PHLDB2: variants seen among roughly 807,000 people sequenced by gnomAD.
The protein encoded by PHLDB2 is pleckstrin homology-like domain family B member 2.
Under a neutral mutation model 123.6 loss-of-function variants are expected in PHLDB2, and 71 were observed. The observed-to-expected ratio is 0.57, with a 90% CI of 0.47 to 0.70. The LOEUF (loss-of-function observed/expected upper bound fraction) is 0.70. Among genes scored for constraint, PHLDB2 ranks in the 30% least tolerant of loss-of-function variants. The pLI is 0.00. For synonymous variants in PHLDB2, 547 were observed against 541.6 expected (o/e 1.01, Z -0.14); for missense variants, 1,446 against 1,519.5 (o/e 0.95, Z 0.80).
chr3:111,901,131 G>A (rs945603744), intron 2 of PHLDB2, among the ~76,000 whole-genome samples: 4 of 152,030 alleles, frequency 2.6e-5, no homozygotes, highest in African/African-American at 7.2e-5. Context: ...AGGCCGAGGC[G>A]GGCGAATCAC....
rs574159508 is a variant in PHLDB2, at chr3:111,824,611, T to C, written c.-48-21210T>C. Among the ~76,000 whole-genome samples, 152 of 152,312 alleles carry C rather than the reference T, an allele frequency of 1.0e-3. No homozygotes were observed. The Middle Eastern group carries it at 0.02, about 20-fold the overall frequency. ...AAGTGGAAGTAAAAGCATGTAGCCC[T>C]GATTGCAGCTGGCAGCTGTGGGAAA... On this transcript the variant is annotated intron_variant, in intron 1 of 17. Transcript: ENST00000393923.
intron 1 of PHLDB2, among the ~76,000 whole-genome samples, chr3:111,777,066 A>G (rs1167083032): frequency 6.6e-6 from 1 of 152,100 alleles, no homozygotes; most frequent in Non-Finnish European, 1.5e-5. Flanking sequence ...CAGGAGGCCC[A>G]GACAGAAGGG....
chr3:111,867,197 T>G (rs2065130480), intron 1 of PHLDB2, among the ~76,000 whole-genome samples: 2 of 152,078 alleles, frequency 1.3e-5, no homozygotes, highest in Non-Finnish European at 2.9e-5. Context: ...TTTTAGGAAC[T>G]TAATTCAGTA....
chr3:111,882,021 T>A (rs937079617), intron 1 of PHLDB2, among the ~76,000 whole-genome samples: 2 of 152,220 alleles, frequency 1.3e-5, no homozygotes, highest in African/African-American at 4.8e-5. Context: ...AAAGCTGCCC[T>A]GATTATATAT....
At chr3:111,783,471 A>C (rs1464906120) in intron 1 of PHLDB2, among the ~76,000 whole-genome samples, 1 of 152,158 alleles carries the variant, frequency 6.6e-6, no homozygotes, top group Non-Finnish European at 1.5e-5. Flanking sequence ...ACTACTAGGG[A>C]AAAAGAGAAA....
At chr3:111,872,476 C>G (rs1474138310) in intron 1 of PHLDB2, among the ~76,000 whole-genome samples, 1 of 152,196 alleles carries the variant, frequency 6.6e-6, no homozygotes, top group Non-Finnish European at 1.5e-5. Context: ...TCACCTCTCA[C>G]CTTCCTAACT....
chr3:111,762,372 A>G (rs950410758), intron 1 of PHLDB2, among the ~76,000 whole-genome samples: 12 of 111,408 alleles, frequency 1.1e-4, no homozygotes, highest in African/African-American at 4.4e-4. Flanking sequence ...TTATTATTAT[A>G]TAGCCAATAT....
chr3:111,866,930 G>GGTGTGTGTGTGTGTGTGT lies in PHLDB2; in HGVS notation c.-15+7379_-15+7396dup, dbSNP rs3082321. On this transcript the variant is annotated intron_variant, in intron 1 of 17. Transcript: ENST00000431670. ...TCTTCCTTAACATAAGTTTCTAAGG[G>GGTGTGTGTGTGTGTGTGT]GTGTGTGTGTGTGTGTGTGTGTGTG... is the stretch of plus-strand genomic sequence containing the variant. Among the ~76,000 whole-genome samples, 300 of 126,046 alleles carry GGTGTGTGTGTGTGTGTGT rather than the reference G, an allele frequency of 2.4e-3. 4 individuals carry two copies. The highest frequency in any genetic ancestry group is 4.3e-3 in the Middle Eastern group (1 of 232). The allele number at this position is 126,046 out of a possible 152,430, so 82.7% of individuals were successfully genotyped here.
intron 1 of PHLDB2, among the ~76,000 whole-genome samples, chr3:111,773,191 G>C (rs2060208058): frequency 6.6e-6 from 1 of 152,162 alleles, no homozygotes; most frequent in South Asian, 2.1e-4. Context: ...ACTTTTAGCA[G>C]AATTATCAGA....
intron 1 of PHLDB2, among the ~76,000 whole-genome samples, chr3:111,866,974 T>C (rs2065119264): frequency 6.6e-6 from 1 of 150,860 alleles, no homozygotes; most frequent in Non-Finnish European, 1.5e-5. Context: ...TGTGTGTGTA[T>C]TTTAACCTTT....
At chr3:111,808,507 A>ATCTTTTAT (rs1399877749) in intron 1 of PHLDB2, among the ~76,000 whole-genome samples, 7 of 142,278 alleles carry the variant, frequency 4.9e-5, no homozygotes, top group African/African-American at 1.8e-4. Flanking sequence ...TTTTTTTTTC[A>ATCTTTTAT]TCTTTTATTT....
At chr3:111,932,444 G>C (rs1251222941) in intron 6 of PHLDB2, 47 bp downstream of exon 6, 19 of 1,520,298 alleles carry the variant, frequency 1.2e-5, no homozygotes, top group African/African-American at 1.4e-5. Flanking sequence ...TTTCGTTTTT[G>C]TTTTTCACTT....
At chr3:111,816,678 G>A (rs545332595) in intron 1 of PHLDB2, among the ~76,000 whole-genome samples, 111 of 152,244 alleles carry the variant, frequency 7.3e-4, no homozygotes, top group African/African-American at 2.6e-3. Context: ...ATTAGATGTC[G>A]GACTGTGAAC....
chr3:111,929,946 C>G (rs1396322017), intron 5 of PHLDB2, among the ~76,000 whole-genome samples: 5 of 143,136 alleles, frequency 3.5e-5, no homozygotes, highest in Non-Finnish European at 7.5e-5. Context: ...GAGTCTCACT[C>G]TGTCGCCCAG....
At chr3:111,792,711 T>TA (rs1463052938) in intron 1 of PHLDB2, among the ~76,000 whole-genome samples, 3 of 151,592 alleles carry the variant, frequency 2.0e-5, no homozygotes, top group Non-Finnish European at 4.4e-5. Context: ...TGTCTCAAAT[T>TA]AAAAAAACAA....
At chr3:111,822,465 C>T (rs2062446699) in intron 1 of PHLDB2, among the ~76,000 whole-genome samples, 1 of 152,078 alleles carries the variant, frequency 6.6e-6, no homozygotes, top group Non-Finnish European at 1.5e-5. Flanking sequence ...AAGTCAGGAA[C>T]TTTCAGTGAA....
Position 111,865,436 on chromosome 3 carries a change from T to G in PHLDB2, c.-15+5860T>G, listed in dbSNP as rs1411654765. 3.3e-5 allele frequency among the ~76,000 whole-genome samples: 5 copies of G among 152,200 alleles called. No homozygotes were observed. The East Asian group carries it at 9.6e-4, about 29-fold the overall frequency. On this transcript the variant is annotated intron_variant, in intron 1 of 17. Coordinates refer to ENST00000431670, the MANE Select transcript of PHLDB2 (RefSeq NM_001134438.2). ...GCTGCCACCTTATCACTAAAACTAT[T>G]TCTGTTCTGTGGTCATTTCCATTTC... is the stretch of plus-strand genomic sequence containing the variant.
chr3:111,777,823 G>A (rs1294315344), intron 1 of PHLDB2, among the ~76,000 whole-genome samples: 2 of 152,028 alleles, frequency 1.3e-5, no homozygotes, highest in African/African-American at 2.4e-5. Flanking sequence ...CAAAAATAAT[G>A]AGTGCTAAAT....
chr3:111,971,840 T>C (rs2072210542), intron 16 of PHLDB2, among the ~76,000 whole-genome samples: 1 of 152,258 alleles, frequency 6.6e-6, no homozygotes, highest in Non-Finnish European at 1.5e-5. Flanking sequence ...GTGTTATTCA[T>C]GGCCCTGGCC....
Sources: gnomAD v4.1 joint callset for allele counts (sites outside exome capture counted in the v4.1 genomes callset) on GRCh38, gnomAD v4.1.1 for gene constraint, MANE v1.5 for transcripts, NCBI Gene and HGNC (gene_info 2026-07-23, HGNC 2026-07-21) for gene names.